MYO1H: variants seen among roughly 807,000 people sequenced by gnomAD.
MYO1H encodes myosin IH.
MYO1H carries 118 observed loss-of-function variants against 149.3 expected under a neutral mutation model. The observed-to-expected ratio is 0.79, with a 90% CI of 0.68 to 0.92. MYO1H has a LOEUF of 0.92. MYO1H is among the 40% of genes least tolerant of loss of function. The pLI is 0.00. For synonymous variants in MYO1H, 447 were observed against 465.2 expected, an observed-to-expected ratio of 0.96 and a Z score of 0.50; for missense variants, 1,212 against 1,280.7, an observed-to-expected ratio of 0.95 and a Z score of 0.82.
upstream of MYO1H, chr12:109,347,801 C>T (rs1176596236): frequency 2.5e-6 from 1 of 394,812 alleles, no homozygotes; most frequent in Non-Finnish European, 4.5e-6. Context: ...GTTTCTGCCT[C>T]CCACCGTAAA....
intron 1 of MYO1H, among the ~76,000 whole-genome samples, chr12:109,378,594 C>T (rs527327240): frequency 2.6e-5 from 4 of 152,322 alleles, no homozygotes; most frequent in African/African-American, 9.6e-5. Flanking sequence ...GCTGGGATTG[C>T]AGGCATGCGC....
intron 1 of MYO1H, among the ~76,000 whole-genome samples, chr12:109,380,355 T>C (rs1869177785): frequency 6.6e-6 from 1 of 151,762 alleles, no homozygotes; most frequent in Admixed American, 6.6e-5. Flanking sequence ...TAAAAATCAA[T>C]CCGCTGACAT....
intron 1 of MYO1H, among the ~76,000 whole-genome samples, chr12:109,368,878 C>T (rs529843422): frequency 6.6e-6 from 1 of 152,128 alleles, no homozygotes; most frequent in South Asian, 2.1e-4. Flanking sequence ...GAGTACCCAG[C>T]GTTTAGCTCC....
chr12:109,392,429 A>G (rs1869695304), intron 2 of MYO1H, among the ~76,000 whole-genome samples: 1 of 152,176 alleles, frequency 6.6e-6, no homozygotes, highest in Non-Finnish European at 1.5e-5. Context: ...ACCTCCTTAA[A>G]GAAGTCTTCC....
chr12:109,329,999 C>T, the MYO1H span, among the ~76,000 whole-genome samples: 2 of 152,272 alleles, frequency 1.3e-5, no homozygotes, highest in South Asian at 4.1e-4. Context: ...AAGATAACTT[C>T]GGGCAGCATG....
chr12:109,319,467 T>G, the MYO1H span, among the ~76,000 whole-genome samples: 2 of 152,160 alleles, frequency 1.3e-5, no homozygotes, highest in Admixed American at 6.5e-5. Context: ...GAGTTTCTGA[T>G]TTTCAAGATG....
At chr12:109,439,065 T>C (rs1871992681) in intron 23 of MYO1H, among the ~76,000 whole-genome samples, 1 of 52,506 alleles carries the variant, frequency 1.9e-5, no homozygotes, top group African/African-American at 8.5e-5. Context: ...TTTTGGGGTT[T>C]TGTTGTTGTT....
intron 6 of MYO1H, chr12:109,401,500 C>T: frequency 2.3e-6 from 1 of 440,694 alleles, no homozygotes; most frequent in South Asian, 4.9e-5. Flanking sequence ...TGGTTCTCAT[C>T]CCTGGCTGAA....
the MYO1H span, among the ~76,000 whole-genome samples, chr12:109,314,884 G>A: frequency 6.6e-6 from 1 of 152,140 alleles, no homozygotes; most frequent in Non-Finnish European, 1.5e-5. Context: ...CAGATCACTT[G>A]AGCCCAGGAA....
At chr12:109,367,995 A>G (rs1868901940) in intron 1 of MYO1H, among the ~76,000 whole-genome samples, 1 of 152,196 alleles carries the variant, frequency 6.6e-6, no homozygotes. Context: ...CTGGGACTAC[A>G]GGTGTTGCAC....
intron 14 of MYO1H, among the ~76,000 whole-genome samples, chr12:109,413,918 A>C (rs915654999): frequency 1.3e-5 from 2 of 152,090 alleles, no homozygotes; most frequent in Non-Finnish European, 2.9e-5. Flanking sequence ...TCAAAGAGAA[A>C]AAAAAGGACT....
chr12:109,379,853 C>T (rs1197980224), intron 1 of MYO1H, among the ~76,000 whole-genome samples: 3 of 150,704 alleles, frequency 2.0e-5, no homozygotes, highest in Non-Finnish European at 4.4e-5. Flanking sequence ...TTGCCTCAGC[C>T]TCCCAAGTAG....
At chr12:109,410,734 T>C (rs1254597801) in exon 13 of MYO1H, 2 of 1,602,146 alleles carry the variant, frequency 1.2e-6, no homozygotes, top group Non-Finnish European at 1.7e-6. Flanking sequence ...TGTGATTTGG[T>C]AGAAGAGAGA....
chr12:109,370,119 A>G (rs573894886), intron 1 of MYO1H, among the ~76,000 whole-genome samples: 1 of 152,104 alleles, frequency 6.6e-6, no homozygotes, highest in Non-Finnish European at 1.5e-5. Flanking sequence ...TGGGAGCTAC[A>G]ACTCAAGATG....
the MYO1H span, among the ~76,000 whole-genome samples, chr12:109,320,623 CAAAAAAAA>C: frequency 2.2e-5 from 2 of 92,834 alleles, no homozygotes; most frequent in Non-Finnish European, 4.2e-5. Flanking sequence ...GAATCTGTCT[CAAAAAAAA>C]AAAAAAAAAA....
At chr12:109,402,794 C>T (rs1334710745) in intron 6 of MYO1H, among the ~76,000 whole-genome samples, 2 of 152,092 alleles carry the variant, frequency 1.3e-5, no homozygotes, top group Admixed American at 6.5e-5. Flanking sequence ...TGATTGTATT[C>T]CCATAGCATG....
chr12:109,374,936 C>A (rs1238077349), intron 1 of MYO1H, among the ~76,000 whole-genome samples: 1 of 151,400 alleles, frequency 6.6e-6, no homozygotes, highest in Non-Finnish European at 1.5e-5. Flanking sequence ...CTCACTGCAA[C>A]CTCCACCTCC....
chr12:109,418,108 G>A (rs113603994), intron 15 of MYO1H, among the ~76,000 whole-genome samples: 26,545 of 151,640 alleles, frequency 0.18, 2,712 homozygotes, highest in African/African-American at 0.28. Context: ...GAGCCACCGC[G>A]CCCGGCCTAA....
chr12:109,413,862 A>G (rs188702073), intron 14 of MYO1H, among the ~76,000 whole-genome samples: 9 of 152,206 alleles, frequency 5.9e-5, no homozygotes, highest in Admixed American at 2.0e-4. Flanking sequence ...GTGAGCCGAG[A>G]TTGCGCCACT....
Sources: allele counts gnomAD v4.1 joint callset (sites outside exome capture counted in the v4.1 genomes callset), GRCh38; gene constraint gnomAD v4.1.1; transcripts MANE v1.5; gene names NCBI Gene and HGNC (gene_info 2026-07-23, HGNC 2026-07-21).